ANKS1B: variants seen among roughly 807,000 people sequenced by gnomAD.
ANKS1B encodes ankyrin repeat and sterile alpha motif domain-containing protein 1B.
In ANKS1B, 36 loss-of-function variants were observed where a neutral mutation model predicts 148.3. The ratio of observed to expected loss-of-function variants is 0.24; its 90% CI spans 0.19 to 0.32. ANKS1B has a LOEUF of 0.32. Among genes scored for constraint, ANKS1B ranks in the 10% least tolerant of loss-of-function variants. The probability of loss-of-function intolerance (pLI) is 1.00; values close to 1 mark genes in which losing one functional copy is unlikely to be tolerated. For synonymous variants in ANKS1B, 542 were observed against 560.8 expected (o/e 0.97, Z 0.47); for missense variants, 1,157 against 1,542.6 (o/e 0.75, Z 4.19).
At chr12:98,934,136 G>A (rs1487137846) in intron 17 of ANKS1B, among the ~76,000 whole-genome samples, 1 of 152,014 alleles carries the variant, frequency 6.6e-6, no homozygotes, top group Non-Finnish European at 1.5e-5. Context: ...TACAGTTTCA[G>A]ATCTTTAAAT....
At chr12:99,337,918 C>G (rs1160745071) in intron 12 of ANKS1B, among the ~76,000 whole-genome samples, 1 of 152,152 alleles carries the variant, frequency 6.6e-6, no homozygotes, top group African/African-American at 2.4e-5. Context: ...GGAAGCACTC[C>G]CTGGAGGGCA....
intron 9 of ANKS1B, among the ~76,000 whole-genome samples, chr12:99,632,767 A>T (rs10860476): frequency 0.05 from 3,535 of 70,934 alleles, 211 homozygotes; most frequent in African/African-American, 0.11. Flanking sequence ...ATATATATAT[A>T]TTTTAATTAT....
At chr12:99,852,477 A>G (rs894548413) in intron 1 of ANKS1B, among the ~76,000 whole-genome samples, 10 of 152,230 alleles carry the variant, frequency 6.6e-5, no homozygotes, top group Admixed American at 6.5e-4. Context: ...GGCACTGGGG[A>G]TTAACATTTC....
At chr12:99,305,251 G>A (rs2082188492) in intron 12 of ANKS1B, among the ~76,000 whole-genome samples, 1 of 151,986 alleles carries the variant, frequency 6.6e-6, no homozygotes, top group Non-Finnish European at 1.5e-5. Flanking sequence ...CTCCAACATT[G>A]GGGAACACAT....
intron 19 of ANKS1B, among the ~76,000 whole-genome samples, chr12:98,818,477 T>C (rs191171346): frequency 2.9e-4 from 44 of 152,300 alleles, no homozygotes; most frequent in African/African-American, 8.2e-4. Context: ...CCAGCTCTCA[T>C]TGTGCAGCTC....
intron 1 of ANKS1B, among the ~76,000 whole-genome samples, chr12:99,919,478 T>C (rs572967609): frequency 1.3e-5 from 2 of 152,210 alleles, no homozygotes; most frequent in African/African-American, 2.4e-5. Context: ...AAGGGTCTTA[T>C]AAGTTTAGAT....
chr12:98,859,120 G>A (rs1241684600), intron 17 of ANKS1B, among the ~76,000 whole-genome samples: 1 of 152,130 alleles, frequency 6.6e-6, no homozygotes, highest in Non-Finnish European at 1.5e-5. Flanking sequence ...TTTGATTCCC[G>A]AATCACACAA....
intron 1 of ANKS1B, among the ~76,000 whole-genome samples, chr12:99,970,878 A>T (rs1338807411): frequency 6.6e-6 from 1 of 152,122 alleles, no homozygotes; most frequent in Non-Finnish European, 1.5e-5. Context: ...TGGTATTTCC[A>T]TTGCTCCATA....
chr12:99,503,543 C>A (rs540535600), intron 10 of ANKS1B, among the ~76,000 whole-genome samples: 23 of 152,036 alleles, frequency 1.5e-4, no homozygotes, highest in Non-Finnish European at 2.2e-4. Flanking sequence ...TCTTATTTAT[C>A]CTAACATAAA....
chr12:99,983,413 C>T (rs1314216060), intron 1 of ANKS1B, among the ~76,000 whole-genome samples: 1 of 152,158 alleles, frequency 6.6e-6, no homozygotes, highest in Non-Finnish European at 1.5e-5. Context: ...GACATCTTCA[C>T]GTTAAAAGGC....
chr12:99,841,814 A>T (rs1003935924), intron 1 of ANKS1B, among the ~76,000 whole-genome samples: 1 of 151,956 alleles, frequency 6.6e-6, no homozygotes, highest in African/African-American at 2.4e-5. Flanking sequence ...GTTATTGTCC[A>T]TATTTACAGT....
intron 17 of ANKS1B, among the ~76,000 whole-genome samples, chr12:99,007,871 C>T (rs1256065184): frequency 2.1e-5 from 3 of 145,296 alleles, no homozygotes; most frequent in South Asian, 2.2e-4. Flanking sequence ...GGCAGAGATC[C>T]ACACGTTATC....
At chr12:99,463,536 T>A (rs2096028227) in intron 10 of ANKS1B, among the ~76,000 whole-genome samples, 11 of 152,080 alleles carry the variant, frequency 7.2e-5, no homozygotes, top group Admixed American at 7.2e-4. Context: ...CCTTTCCTAG[T>A]CAAAGAAAGG....
chr12:99,359,928 A>C (rs2092342022), intron 12 of ANKS1B, among the ~76,000 whole-genome samples: 1 of 152,154 alleles, frequency 6.6e-6, no homozygotes, highest in South Asian at 2.1e-4. Flanking sequence ...GTAAAGTGTT[A>C]ATAGTATTTC....
At chr12:99,787,781 G>A (rs780506866) in intron 4 of ANKS1B, among the ~76,000 whole-genome samples, 3 of 152,222 alleles carry the variant, frequency 2.0e-5, no homozygotes, top group Non-Finnish European at 2.9e-5. Context: ...CATGGCAGTG[G>A]CCATGCTGTG....
chr12:99,168,255 G>A (rs913035376), intron 14 of ANKS1B, among the ~76,000 whole-genome samples: 20 of 152,158 alleles, frequency 1.3e-4, no homozygotes, highest in South Asian at 4.1e-4. Context: ...AGTGGCTCAC[G>A]CCTATAATCC....
At chr12:98,897,286 CA>C (rs1386644073) in intron 17 of ANKS1B, among the ~76,000 whole-genome samples, 1 of 151,932 alleles carries the variant, frequency 6.6e-6, no homozygotes, top group South Asian at 2.1e-4. Context: ...ACAGAGTAAA[CA>C]GACAACCTTC....
chr12:99,648,188 G>C, intron 9 of ANKS1B: 1 of 1,613,542 alleles, frequency 6.2e-7, no homozygotes, highest in East Asian at 2.2e-5. Flanking sequence ...GAGGACTGCT[G>C]TATGCTACCG....
chr12:99,113,943 T>A (rs914880397), intron 15 of ANKS1B, among the ~76,000 whole-genome samples: 3 of 152,264 alleles, frequency 2.0e-5, no homozygotes, highest in African/African-American at 7.2e-5. Context: ...TTCCTTTCCA[T>A]ATACTCTAGG....
Sources: gnomAD v4.1 joint callset for allele counts (sites outside exome capture counted in the v4.1 genomes callset) on GRCh38, gnomAD v4.1.1 for gene constraint, MANE v1.5 for transcripts, NCBI Gene and HGNC (gene_info 2026-07-23, HGNC 2026-07-21) for gene names.